SLC41A2: variants seen among roughly 807,000 people sequenced by gnomAD.
SLC41A2 encodes SLC41A1-like 1.
SLC41A2 carries 32 observed loss-of-function variants against 58.3 expected under a neutral mutation model. The ratio of observed to expected loss-of-function variants is 0.55; its 90% CI spans 0.41 to 0.74. The LOEUF (loss-of-function observed/expected upper bound fraction) is 0.74. Among genes scored for constraint, SLC41A2 ranks in the 30% least tolerant of loss-of-function variants. The pLI is 0.00. For synonymous variants in SLC41A2, 190 were observed against 235.0 expected, an observed-to-expected ratio of 0.81 and a Z score of 1.75; for missense variants, 514 against 680.6, an observed-to-expected ratio of 0.76 and a Z score of 2.72.
intron 2 of SLC41A2, among the ~76,000 whole-genome samples, chr12:104,917,478 T>G: frequency 6.6e-6 from 1 of 152,070 alleles, no homozygotes; most frequent in African/African-American, 2.4e-5. Flanking sequence ...TTACTGGGTA[T>G]ATACCCAAAG....
intron 3 of SLC41A2, among the ~76,000 whole-genome samples, chr12:104,899,806 T>C (rs1372482083): frequency 1.3e-5 from 2 of 152,186 alleles, no homozygotes; most frequent in South Asian, 4.1e-4. Flanking sequence ...AGACACTCAG[T>C]CAACAAACAC....
At chr12:104,878,607 C>A (rs914073244) in intron 6 of SLC41A2, among the ~76,000 whole-genome samples, 3 of 152,072 alleles carry the variant, frequency 2.0e-5, no homozygotes, top group Non-Finnish European at 4.4e-5. Context: ...ATGATGGTTT[C>A]CAGCTTCATC....
chr12:104,828,845 T>TA (rs143717715), intron 10 of SLC41A2, among the ~76,000 whole-genome samples: 21 of 148,538 alleles, frequency 1.4e-4, no homozygotes, highest in East Asian at 1.2e-3. Context: ...CAACCCAATT[T>TA]AAAAAAAAAA....
chr12:104,821,525 AG>A (rs963692704), intron 10 of SLC41A2, among the ~76,000 whole-genome samples: 11 of 152,264 alleles, frequency 7.2e-5, no homozygotes, highest in Middle Eastern at 3.2e-3. Context: ...GCTGAATGGT[AG>A]TCCCGCTAAA....
intron 8 of SLC41A2, among the ~76,000 whole-genome samples, chr12:104,853,104 T>G (rs186232006): frequency 6.6e-6 from 1 of 152,316 alleles, no homozygotes; most frequent in Non-Finnish European, 1.5e-5. Flanking sequence ...GCTCAGTTGA[T>G]GAAATAAAGT....
chr12:104,893,460 A>G (rs771199806), intron 4 of SLC41A2, among the ~76,000 whole-genome samples: 9 of 152,200 alleles, frequency 5.9e-5, no homozygotes, highest in Non-Finnish European at 1.2e-4. Flanking sequence ...TCCTCAAAAA[A>G]CTAAAAATAC....
Position 104,953,747 on chromosome 12 carries a change from G to C in SLC41A2, c.-168+4341C>G, listed in dbSNP as rs373799156. On this transcript the variant is annotated intron_variant, in intron 1 of 10. Coordinates refer to ENST00000258538, the MANE Select transcript of SLC41A2 (RefSeq NM_001352171.3). Reference sequence around the variant, plus strand: ...TGAAAATTACACTATTATTTTAATAGTATTTAAATTCTTATCTGGCTTGAG... The same window carrying C: ...TGAAAATTACACTATTATTTTAATACTATTTAAATTCTTATCTGGCTTGAG... Among the ~76,000 whole-genome samples the C allele has an allele frequency of 2.0e-5, 3 of 152,252 alleles. No individual in the cohort carries two copies. In the East Asian group the frequency reaches 5.8e-4, roughly 29 times the overall value.
chr12:104,920,234 T>C (rs1158337619), intron 2 of SLC41A2, among the ~76,000 whole-genome samples: 1 of 152,170 alleles, frequency 6.6e-6, no homozygotes, highest in Non-Finnish European at 1.5e-5. Flanking sequence ...TAATAATTCT[T>C]GAAATTTTTC....
At chr12:104,911,609 A>G (rs1593125922) in intron 2 of SLC41A2, among the ~76,000 whole-genome samples, 1 of 152,238 alleles carries the variant, frequency 6.6e-6, no homozygotes, top group Non-Finnish European at 1.5e-5. Flanking sequence ...AGTAAAACTT[A>G]TATCTATCAG....
At chr12:104,910,901 T>C (rs1172178322) in intron 2 of SLC41A2, among the ~76,000 whole-genome samples, 1 of 152,248 alleles carries the variant, frequency 6.6e-6, no homozygotes, top group East Asian at 1.9e-4. Context: ...TCCAGGTCTT[T>C]TCCTGATCCA....
At chr12:104,840,216 G>A (rs2042362845) in intron 10 of SLC41A2, among the ~76,000 whole-genome samples, 1 of 152,188 alleles carries the variant, frequency 6.6e-6, no homozygotes. Flanking sequence ...GAGTTCATAA[G>A]TTAACAGGCT....
Position 104,805,300 on chromosome 12 carries a change from T to G in SLC41A2, c.1574A>C (p.His525Pro). The G allele has an allele frequency of 6.2e-7, 1 of 1,613,776 alleles. No homozygotes were observed. ...TLLWIADWMV[H>P]HFWRKGKDPD... ...GTCCTTTCCTTTCCTCCAGAAGTGATGGACCATCCAGTCAGCAATCCACAG... is the reference window on the plus strand; with the variant it reads ...GTCCTTTCCTTTCCTCCAGAAGTGAGGGACCATCCAGTCAGCAATCCACAG... The change falls in exon 11 of 11, where the codon CAT (histidine) becomes CCT (proline). Residue 525 changes from histidine to proline, a missense_variant. Around this residue, in one of 3 missense-constraint regions of SLC41A2, gnomAD observed 128 missense variants for 146.0 expected, o/e 0.88. Transcript: ENST00000258538.
At chr12:104,818,574 GGAAA>G (rs1164161101) in intron 10 of SLC41A2, among the ~76,000 whole-genome samples, 1 of 152,084 alleles carries the variant, frequency 6.6e-6, no homozygotes, top group Non-Finnish European at 1.5e-5. Context: ...AGATCCAGAA[GGAAA>G]GAAAAGAGAA....
intron 3 of SLC41A2, among the ~76,000 whole-genome samples, chr12:104,895,868 G>A (rs554113692): frequency 9.9e-5 from 15 of 152,126 alleles, no homozygotes; most frequent in South Asian, 2.1e-4. Flanking sequence ...ATCATGTACC[G>A]CAACTATTAA....
Position 104,881,520 on chromosome 12 carries a change from T to C in SLC41A2, c.1027+4773A>G, listed in dbSNP as rs140601415. On this transcript the variant is annotated intron_variant, in intron 6 of 10. Coordinates refer to ENST00000258538, the MANE Select transcript of SLC41A2 (RefSeq NM_001352171.3). ...CCAGAGATTCTGGTATGTTATGTCT[T>C]TGGTCTCATTGGTTTCAAAGAACAT... Among the ~76,000 whole-genome samples, 6 of 152,360 alleles carry C rather than the reference T, an allele frequency of 3.9e-5. No individual in the cohort carries two copies. In the East Asian group the frequency reaches 1.2e-3, roughly 29 times the overall value.
chr12:104,890,345 G>A (rs1433478672), intron 4 of SLC41A2, among the ~76,000 whole-genome samples: 1 of 152,134 alleles, frequency 6.6e-6, no homozygotes, highest in Non-Finnish European at 1.5e-5. Flanking sequence ...GCACCATGAT[G>A]AGTGTAGCAG....
At chr12:104,818,656 A>C (rs1455765100) in intron 10 of SLC41A2, among the ~76,000 whole-genome samples, 1 of 152,144 alleles carries the variant, frequency 6.6e-6, no homozygotes, top group Non-Finnish European at 1.5e-5. Flanking sequence ...AGGTGGGCAG[A>C]TCACGAGGTC....
chr12:104,872,241 G>C (rs1239037835), intron 6 of SLC41A2, among the ~76,000 whole-genome samples: 1 of 152,070 alleles, frequency 6.6e-6, no homozygotes, highest in Non-Finnish European at 1.5e-5. Flanking sequence ...TAAATACCAG[G>C]GTAAAAACTT....
rs1281616867 is a variant in SLC41A2, at chr12:104,802,239, A to G, written c.*2913T>C. On this transcript the variant is annotated 3_prime_UTR_variant, in exon 11 of 11. Coordinates refer to ENST00000258538, the MANE Select transcript of SLC41A2 (RefSeq NM_001352171.3). ...AAAAGTGTTATCTGTGTATAAATAA[A>G]GTGGCTGATAAATTAGTGAAAAGGA... is the stretch of plus-strand genomic sequence containing the variant. Among the ~76,000 whole-genome samples, 1 of 152,216 alleles carries G rather than the reference A, an allele frequency of 6.6e-6. No homozygotes were observed. The highest frequency in any genetic ancestry group is 6.6e-5 in the Admixed American group (1 of 15,262).
Sources: allele counts gnomAD v4.1 joint callset (sites outside exome capture counted in the v4.1 genomes callset), GRCh38; gene constraint gnomAD v4.1.1; regional missense constraint gnomAD v4.1.1; transcripts MANE v1.5; gene names NCBI Gene and HGNC (gene_info 2026-07-23, HGNC 2026-07-21).